Variants in PCDHA3 observed in about 807,000 individuals in gnomAD.
The protein encoded by PCDHA3 is protocadherin alpha-3.
Under a neutral mutation model 62.2 loss-of-function variants are expected in PCDHA3, and 41 were observed. The ratio of observed to expected loss-of-function variants is 0.66; its 90% CI spans 0.51 to 0.86. The LOEUF (loss-of-function observed/expected upper bound fraction) is 0.86, where lower values mean the gene tolerates loss of function less well. Among genes scored for constraint, PCDHA3 ranks in the 40% least tolerant of loss-of-function variants. The pLI is 0.00. For synonymous variants in PCDHA3, 640 were observed against 555.4 expected (o/e 1.15, Z -2.14); for missense variants, 1,304 against 1,241.2 (o/e 1.05, Z -0.76).
intron 1 of PCDHA3, chr5:140,843,910 G>A (rs2150367527): frequency 2.4e-5 from 15 of 636,386 alleles, no homozygotes; most frequent in Non-Finnish European, 3.7e-5. Flanking sequence ...CACAAGTTGG[G>A]TCTATCTTGA....
intron 1 of PCDHA3, among the ~76,000 whole-genome samples, chr5:140,911,234 C>A (rs1554194655): frequency 6.6e-6 from 1 of 151,890 alleles, no homozygotes; most frequent in South Asian, 2.1e-4. Context: ...TTTCTTCTGG[C>A]AAAAAAAGTT....
intron 1 of PCDHA3, among the ~76,000 whole-genome samples, chr5:140,935,116 C>T (rs2090194943): frequency 6.6e-6 from 1 of 152,126 alleles, no homozygotes; most frequent in Non-Finnish European, 1.5e-5. Flanking sequence ...AGAGCTTTCA[C>T]TTATTTTTAG....
At chr5:140,824,389 T>C (rs1768104531) in intron 1 of PCDHA3, 2 of 557,508 alleles carry the variant, frequency 3.6e-6, no homozygotes, top group African/African-American at 3.8e-5. Flanking sequence ...TCTAAAAATG[T>C]AGGATAATAA....
At chr5:140,816,513 G>T (rs2126672756) in intron 1 of PCDHA3, 8 of 151,612 alleles carry the variant, frequency 5.3e-5, no homozygotes, top group Non-Finnish European at 1.2e-4. Context: ...GTGTTTGTGT[G>T]TGTGTGTGTG....
chr5:140,900,424 C>T (rs557118930), intron 1 of PCDHA3, among the ~76,000 whole-genome samples: 151 of 152,214 alleles, frequency 9.9e-4, no homozygotes, highest in African/African-American at 3.3e-3. Flanking sequence ...ATTATAGGCA[C>T]GTGCCACCAC....
chr5:140,874,557 G>T (rs782715249), intron 1 of PCDHA3, among the ~76,000 whole-genome samples: 3 of 152,146 alleles, frequency 2.0e-5, no homozygotes, highest in African/African-American at 7.2e-5. Flanking sequence ...GAGATCTTTC[G>T]CATTTTAGTG....
rs2150248542 is a variant in PCDHA3 at position 140,835,937 on chromosome 5, C to T, written c.2394+32346C>T. ...TGCACGCGGAGAGCGGCAAGGTGTA[C>T]GCGCTGCAGCCGTTGGACCACGAGG... On this transcript the variant is annotated intron_variant, in intron 1 of 3. Transcript: ENST00000522353. 14 of 1,612,512 alleles carry T rather than the reference C, an allele frequency of 8.7e-6. No homozygotes were observed. The South Asian group carries it at 1.3e-4, about 15-fold the overall frequency.
intron 1 of PCDHA3, chr5:140,808,613 A>T: frequency 6.2e-7 from 1 of 1,613,806 alleles, no homozygotes; most frequent in Non-Finnish European, 8.5e-7. Flanking sequence ...CCACATCTTC[A>T]CTGTGTCTGC....
In PCDHA3 at chr5:140,852,899, G is replaced by A; in HGVS notation, c.2394+49308G>A. On this transcript the variant is annotated intron_variant, in intron 1 of 3. Transcript: ENST00000522353. ...TCATAAAACGTATTTTTTTTTTTGA[G>A]TCAGAGTCTCGCTCTGTTGCCCAGG... 4.8e-6 allele frequency: 4 copies of A among 840,714 alleles called. 1 individual carries two copies. Among genetic ancestry groups the A allele is most frequent in the Non-Finnish European group, 5.8e-6 (4 of 685,948 alleles). The allele number at this position is 840,714 out of a possible 1,614,324, so 52.1% of individuals were successfully genotyped here.
At chr5:140,929,096 C>T (rs113293568) in intron 1 of PCDHA3, 45,094 of 1,614,150 alleles carry the variant, frequency 0.028, 813 homozygotes, top group Non-Finnish European at 0.033. Context: ...GTTTCAAATC[C>T]TTGCATGACA....
At chr5:140,823,941 C>A in intron 1 of PCDHA3, 1 of 1,613,924 alleles carries the variant, frequency 6.2e-7, no homozygotes, top group Non-Finnish European at 8.5e-7. Context: ...CGCTGCGGTG[C>A]TCGGCGCAGC....
intron 1 of PCDHA3, chr5:140,828,487 G>A: frequency 6.2e-7 from 1 of 1,614,226 alleles, no homozygotes; most frequent in Non-Finnish European, 8.5e-7. Flanking sequence ...ACCCGCCCTT[G>A]TTCCCGGTAG....
chr5:140,802,804 G>C lies in PCDHA3; in HGVS notation c.1607G>C (p.Ser536Thr). The change falls in exon 1 of 4, where the codon AGT (serine) becomes ACT (threonine). Residue 536 changes from serine to threonine, a missense_variant. Physicochemically the swap from Ser to Thr is moderately conservative, Grantham distance 58. Transcript: ENST00000522353. ...CTAGAGCTGCTGCAGTTCCAGGTGA[G>C]TGCGCGCGATGCGGGCGTGCCGCCT... ...EELELLQFQVSARDAGVPPLG... is the reference protein window; with the variant it reads ...EELELLQFQVTARDAGVPPLG... 1.2e-6 allele frequency: 2 copies of C among 1,613,474 alleles called. No homozygotes were observed. The highest frequency in any genetic ancestry group is 1.1e-5 in the South Asian group (1 of 91,044).
At chr5:140,870,435 G>A in intron 1 of PCDHA3, 1 of 1,614,252 alleles carries the variant, frequency 6.2e-7, no homozygotes, top group South Asian at 1.1e-5. Context: ...CCGTGGAGGT[G>A]GCCGACGTGA....
At chr5:140,934,771 A>G (rs1319115042) in intron 1 of PCDHA3, among the ~76,000 whole-genome samples, 2 of 152,184 alleles carry the variant, frequency 1.3e-5, no homozygotes, top group Non-Finnish European at 2.9e-5. Context: ...CATATTTGAT[A>G]TGGCCCAATC....
At chr5:140,939,987 C>T (rs2092516961) in intron 1 of PCDHA3, among the ~76,000 whole-genome samples, 1 of 152,060 alleles carries the variant, frequency 6.6e-6, no homozygotes. Flanking sequence ...TGAATTGTTT[C>T]TCCTTGGATT....
intron 1 of PCDHA3, chr5:140,809,014 CG>C (rs1554124944): frequency 6.2e-7 from 1 of 1,613,716 alleles, no homozygotes; most frequent in South Asian, 1.1e-5. Context: ...GGCTTTCGTA[CG>C]AGCTGCAGCC....
Position 140,882,649 on chromosome 5 carries a change from C to G in PCDHA3, c.2394+79058C>G, listed in dbSNP as rs559940161. The G allele has an allele frequency of 3.7e-6, 6 of 1,614,096 alleles. No homozygotes were observed. In the Admixed American group the frequency reaches 1.0e-4, roughly 27 times the overall value. On this transcript the variant is annotated intron_variant, in intron 1 of 3. Coordinates refer to ENST00000522353, the MANE Select transcript of PCDHA3 (RefSeq NM_018906.3). ...TGGAGGTGAAGGTGAGGGACATTAACGACAACCCGCCCATATTCCCTGAAA... is the reference window on the plus strand; with the variant it reads ...TGGAGGTGAAGGTGAGGGACATTAAGGACAACCCGCCCATATTCCCTGAAA...
At chr5:140,900,032 A>G (rs1439772684) in intron 1 of PCDHA3, among the ~76,000 whole-genome samples, 1 of 151,930 alleles carries the variant, frequency 6.6e-6, no homozygotes, top group Non-Finnish European at 1.5e-5. Context: ...TTGGCCTTGA[A>G]TTCCTGGGCT....
Sources: allele counts gnomAD v4.1 joint callset (sites outside exome capture counted in the v4.1 genomes callset), GRCh38; gene constraint gnomAD v4.1.1; transcripts MANE v1.5; gene names NCBI Gene and HGNC (gene_info 2026-07-23, HGNC 2026-07-21).